The following TXNDC16 variants were observed in gnomAD, a reference collection of about 807,000 sequenced individuals.
TXNDC16 encodes thioredoxin domain containing 16, also known as thioredoxin domain-containing protein 16.
A neutral mutation model predicts 85.6 loss-of-function variants in TXNDC16; 74 were observed. The ratio of observed to expected loss-of-function variants is 0.86; its 90% CI spans 0.72 to 1.05. The LOEUF is 1.05. Among genes scored for constraint, TXNDC16 ranks in the 50% least tolerant of loss-of-function variants. The pLI, the probability that TXNDC16 is intolerant of heterozygous loss-of-function variation, is 0.00. For missense variants in TXNDC16, 959 were observed against 947.0 expected (o/e 1.01, Z -0.17); for synonymous variants, 335 against 326.5 (o/e 1.03, Z -0.28).
chr14:52,491,318 A>G (rs920723811), intron 9 of TXNDC16, among the ~76,000 whole-genome samples: 10 of 147,616 alleles, frequency 6.8e-5, no homozygotes, highest in African/African-American at 2.0e-4. Context: ...AGTAGCTGAG[A>G]CCACAGGTGC....
intron 1 of TXNDC16, among the ~76,000 whole-genome samples, chr14:52,544,767 A>G (rs2037907091): frequency 6.6e-6 from 1 of 152,094 alleles, no homozygotes; most frequent in Admixed American, 6.5e-5. Context: ...CAGAGGCAGT[A>G]TATATCAAAC....
rs2036852066 is a variant in TXNDC16 at position 52,507,912 on chromosome 14, A to T, written c.756+3328T>A. On this transcript the variant is annotated intron_variant, in intron 9 of 20. Transcript: ENST00000281741. ...TTCCTTATACCTTATACAAAAATTAATTCAAGATGGATTAAAGACTTAAAT... is the reference window on the plus strand; with the variant it reads ...TTCCTTATACCTTATACAAAAATTATTTCAAGATGGATTAAAGACTTAAAT... 2.0e-5 allele frequency among the ~76,000 whole-genome samples: 3 copies of T among 152,234 alleles called. 1 individual carries two copies. The South Asian group carries it at 6.2e-4, about 32-fold the overall frequency.
Position 52,529,550 on chromosome 14 carries a change from A to G in TXNDC16, c.392+7169T>C, listed in dbSNP as rs1159851172. ...ATTATATATAATGCCTATTATATAT[A>G]ATATATATAATGCCTATTATATATA... is the stretch of plus-strand genomic sequence containing the variant. On this transcript the variant is annotated intron_variant, in intron 6 of 20. Transcript: ENST00000281741. Among the ~76,000 whole-genome samples the G allele has an allele frequency of 1.1e-3, 110 of 96,428 alleles. 8 individuals carry two copies. The highest frequency in any genetic ancestry group is 4.8e-3 in the African/African-American group (106 of 22,186). The allele number at this position is 96,428 out of a possible 152,430, so 63.3% of individuals were successfully genotyped here.
chr14:52,530,364 ATT>A (rs1491138570), intron 6 of TXNDC16, among the ~76,000 whole-genome samples: 2 of 37,104 alleles, frequency 5.4e-5, no homozygotes, highest in Non-Finnish European at 8.3e-5. Context: ...TATAATATAT[ATT>A]ATTATATAAT....
intron 19 of TXNDC16, among the ~76,000 whole-genome samples, chr14:52,440,294 G>T (rs2140101673): frequency 6.6e-6 from 1 of 152,084 alleles, no homozygotes; most frequent in East Asian, 1.9e-4. Flanking sequence ...TTACTATTCT[G>T]TATTTGCCAA....
At chr14:52,477,975 GTACT>G (rs1303191188) in intron 14 of TXNDC16, among the ~76,000 whole-genome samples, 1 of 152,040 alleles carries the variant, frequency 6.6e-6, no homozygotes, top group Non-Finnish European at 1.5e-5. Flanking sequence ...ATTATATCAA[GTACT>G]TTCTCAGACC....
chr14:52,488,282 G>C (rs1594720932), intron 12 of TXNDC16, 81 bp downstream of exon 12: 2 of 1,529,102 alleles, frequency 1.3e-6, no homozygotes, highest in Non-Finnish European at 8.9e-7. Context: ...CATTCTTGGA[G>C]AAAGTTAATC....
In TXNDC16 at chr14:52,519,321, GAA is replaced by G. The variant is rs758389563; in HGVS notation, c.393-30_393-29del. On this transcript the variant is annotated intron_variant, in intron 6 of 20. Coordinates refer to ENST00000281741, the MANE Select transcript of TXNDC16 (RefSeq NM_020784.3). The stretch of plus-strand genomic sequence containing the variant: ...GAAATAAATACAGATATAATTAGTA[GAA>G]AAATCTGATATGTATTTAGTTACAC... The G allele has an allele frequency of 4.1e-5, 62 of 1,530,474 alleles. No individual in the cohort carries two copies. The South Asian group carries it at 7.0e-4, about 17-fold the overall frequency. 94.8% of individuals were successfully genotyped at this position (1,530,474 alleles called of 1,614,324 possible).
At chr14:52,504,929 T>C (rs986348431) in intron 9 of TXNDC16, among the ~76,000 whole-genome samples, 10 of 152,016 alleles carry the variant, frequency 6.6e-5, no homozygotes, top group African/African-American at 2.4e-5. Context: ...TCCTAGACTC[T>C]GATAAAACAG....
intron 20 of TXNDC16, among the ~76,000 whole-genome samples, chr14:52,437,673 G>T (rs996907061): frequency 2.0e-5 from 3 of 151,998 alleles, no homozygotes; most frequent in Admixed American, 6.6e-5. Flanking sequence ...GTCTGACAAG[G>T]GATTAATAGC....
At chr14:52,526,525 G>C (rs78003244) in intron 6 of TXNDC16, among the ~76,000 whole-genome samples, 2,035 of 152,270 alleles carry the variant, frequency 0.013, 45 homozygotes, top group African/African-American at 0.046. Flanking sequence ...TAGCAAGATA[G>C]AAAAATGGAG....
intron 20 of TXNDC16, among the ~76,000 whole-genome samples, chr14:52,438,378 A>T (rs2035082177): frequency 6.6e-6 from 1 of 152,194 alleles, no homozygotes; most frequent in Non-Finnish European, 1.5e-5. Context: ...GCCACAGCCC[A>T]AACTTCAGCA....
chr14:52,473,199 T>C (rs76114287), intron 14 of TXNDC16, among the ~76,000 whole-genome samples: 2,022 of 152,194 alleles, frequency 0.013, 44 homozygotes, highest in African/African-American at 0.046. Context: ...GCTGTTTCTC[T>C]TTCTCTCCTC....
At chr14:52,536,524 T>C (rs2037703950) in intron 6 of TXNDC16, among the ~76,000 whole-genome samples, 195 bp downstream of exon 6, 1 of 152,220 alleles carries the variant, frequency 6.6e-6, no homozygotes, top group Non-Finnish European at 1.5e-5. Flanking sequence ...AGTATCTCCA[T>C]GCTTCTGTAT....
chr14:52,540,909 T>C (rs2037816024), intron 4 of TXNDC16, among the ~76,000 whole-genome samples: 1 of 152,168 alleles, frequency 6.6e-6, no homozygotes, highest in Admixed American at 6.5e-5. Context: ...ACTATCTCCT[T>C]TCCAGATAGA....
In TXNDC16 at chr14:52,431,082, A is replaced by G. The variant is rs1319276037; in HGVS notation, c.*1222T>C. On this transcript the variant is annotated 3_prime_UTR_variant, in exon 21 of 21. Coordinates refer to ENST00000281741, the MANE Select transcript of TXNDC16 (RefSeq NM_020784.3). ...AACAAATGTCTCAAAAAATGCACAG[A>G]GCAAAAATGAGACAAACAACTGCTA... 2 of 152,268 alleles carry G rather than the reference A, an allele frequency of 1.3e-5. No individual in the cohort carries two copies. Among genetic ancestry groups the G allele is most frequent in the Non-Finnish European group, 2.9e-5 (2 of 68,046 alleles). 9.4% of individuals were successfully genotyped at this position (152,268 alleles called of 1,614,324 possible).
At chr14:52,506,377 T>C (rs1474759475) in intron 9 of TXNDC16, among the ~76,000 whole-genome samples, 1 of 152,114 alleles carries the variant, frequency 6.6e-6, no homozygotes, top group African/African-American at 2.4e-5. Flanking sequence ...TTATCCACCA[T>C]GATCAAGTGG....
chr14:52,508,614 C>T (rs1344982112), intron 9 of TXNDC16, among the ~76,000 whole-genome samples: 1 of 152,136 alleles, frequency 6.6e-6, no homozygotes, highest in African/African-American at 2.4e-5. Context: ...GACACATGCA[C>T]ACGTATGTTT....
intron 16 of TXNDC16, among the ~76,000 whole-genome samples, chr14:52,458,547 A>C (rs1014654652): frequency 7.9e-5 from 10 of 127,034 alleles, no homozygotes; most frequent in African/African-American, 2.7e-4. Context: ...ACTCTGTCTC[A>C]AAAAAAATAA....
Sources: gnomAD v4.1 joint callset for allele counts (sites outside exome capture counted in the v4.1 genomes callset) on GRCh38, gnomAD v4.1.1 for gene constraint, MANE v1.5 for transcripts, NCBI Gene and HGNC (gene_info 2026-07-23, HGNC 2026-07-21) for gene names.